The following PTPRN2 variants were observed in gnomAD, a reference collection of about 807,000 sequenced individuals.
The protein encoded by PTPRN2 is protein tyrosine phosphatase receptor type N2, also known as receptor-type tyrosine-protein phosphatase N2.
Under a neutral mutation model 118.8 loss-of-function variants are expected in PTPRN2, and 74 were observed. The ratio of observed to expected loss-of-function variants is 0.62; its 90% confidence interval spans 0.52 to 0.76. PTPRN2 has a LOEUF of 0.76. PTPRN2 is among the 30% of genes least tolerant of loss of function. The pLI is 0.00. For missense variants in PTPRN2, 1,481 were observed against 1,394.4 expected (o/e 1.06, Z -0.99); for synonymous variants, 641 against 608.0 (o/e 1.05, Z -0.80).
At chr7:157,878,983 T>G (rs1451181911) in intron 12 of PTPRN2, among the ~76,000 whole-genome samples, 1 of 106,158 alleles carries the variant, frequency 9.4e-6, no homozygotes, top group Non-Finnish European at 1.8e-5. Context: ...GCTTACTCAC[T>G]GAGGAGCTCT....
At chr7:157,607,940 A>C (rs1802101220) in intron 15 of PTPRN2, among the ~76,000 whole-genome samples, 1 of 152,032 alleles carries the variant, frequency 6.6e-6, no homozygotes, top group Non-Finnish European at 1.5e-5. Flanking sequence ...AGCCGAATTC[A>C]TTTCCCCCGA....
chr7:158,396,266 G>T (rs769971402), intron 2 of PTPRN2, among the ~76,000 whole-genome samples: 4 of 152,166 alleles, frequency 2.6e-5, no homozygotes, highest in African/African-American at 9.7e-5. Context: ...CAAAGAAGCC[G>T]TTTAAAACAA....
intron 11 of PTPRN2, among the ~76,000 whole-genome samples, chr7:157,933,856 A>G (rs111508983): frequency 0.01 from 668 of 63,622 alleles, 17 homozygotes; most frequent in Middle Eastern, 0.051. Context: ...TAGAGGAAGG[A>G]TGAGTCACTC....
chr7:158,407,950 A>C (rs943124053), intron 2 of PTPRN2, among the ~76,000 whole-genome samples: 2 of 152,238 alleles, frequency 1.3e-5, no homozygotes, highest in African/African-American at 4.8e-5. Flanking sequence ...AAATTCCCTT[A>C]AAGTCCCTCC....
At chr7:157,842,371 A>G (rs1808486146) in intron 12 of PTPRN2, among the ~76,000 whole-genome samples, 1 of 142,672 alleles carries the variant, frequency 7.0e-6, no homozygotes, top group Admixed American at 6.9e-5. Flanking sequence ...AATGGTACAA[A>G]AGGGGCTCAA....
chr7:157,843,049 C>T (rs1808550029), intron 12 of PTPRN2, among the ~76,000 whole-genome samples: 1 of 152,138 alleles, frequency 6.6e-6, no homozygotes, highest in African/African-American at 2.4e-5. Context: ...CGACTTTTCC[C>T]CTGTAAAATT....
intron 11 of PTPRN2, among the ~76,000 whole-genome samples, chr7:157,943,938 G>A (rs1278323902): frequency 2.6e-5 from 4 of 152,114 alleles, no homozygotes; most frequent in Non-Finnish European, 5.9e-5. Flanking sequence ...TTATTTTTCT[G>A]GTAGTTCATC....
intron 15 of PTPRN2, among the ~76,000 whole-genome samples, chr7:157,613,372 T>C (rs1194374073): frequency 1.3e-5 from 2 of 152,194 alleles, no homozygotes; most frequent in African/African-American, 2.4e-5. Flanking sequence ...CAGAGACGGC[T>C]GCGGGGAGAC....
At chr7:157,646,809 G>A (rs1805111415) in intron 14 of PTPRN2, among the ~76,000 whole-genome samples, 1 of 152,248 alleles carries the variant, frequency 6.6e-6, no homozygotes, top group Non-Finnish European at 1.5e-5. Context: ...GGGCCCAAAG[G>A]CCATGGCAGC....
chr7:158,132,500 TAC>T (rs1296715624), intron 9 of PTPRN2, among the ~76,000 whole-genome samples: 1 of 150,232 alleles, frequency 6.7e-6, no homozygotes, highest in East Asian at 2.0e-4. Context: ...CACATGCACA[TAC>T]AGATGCACAC....
At chr7:157,549,062 A>T in intron 21 of PTPRN2, 43 bp from the exon 22 acceptor site, 2 of 1,568,692 alleles carry the variant, frequency 1.3e-6, no homozygotes, top group Non-Finnish European at 1.8e-6. Flanking sequence ...AGCACAAGAT[A>T]ATCCATGCCA....
intron 12 of PTPRN2, among the ~76,000 whole-genome samples, chr7:157,872,054 C>CATA: frequency 7.3e-6 from 1 of 137,738 alleles, no homozygotes; most frequent in African/African-American, 2.8e-5. Flanking sequence ...CCCACACACA[C>CATA]CCAGTGTCCT....
chr7:157,812,487 ACT>A (rs1806117736), intron 12 of PTPRN2, among the ~76,000 whole-genome samples: 1 of 151,968 alleles, frequency 6.6e-6, no homozygotes, highest in Non-Finnish European at 1.5e-5. Context: ...AAAAAGAAAA[ACT>A]CTTTCAACAC....
At chr7:158,493,341 A>G (rs1459206154) in intron 1 of PTPRN2, among the ~76,000 whole-genome samples, 1 of 151,638 alleles carries the variant, frequency 6.6e-6, no homozygotes, top group Non-Finnish European at 1.5e-5. Context: ...ATGCCTGCAC[A>G]CATACACACA....
rs867643224 is a variant in PTPRN2, at chr7:157,611,622, C to T, written c.2345-7547G>A. Among the ~76,000 whole-genome samples, 3 of 152,158 alleles carry T rather than the reference C, an allele frequency of 2.0e-5. No individual in the cohort carries two copies. Among genetic ancestry groups the T allele is most frequent in the African/African-American group, 4.8e-5 (2 of 41,436 alleles). Reference sequence around the variant, plus strand: ...GGTAAGCGAGCGGAGGGCATTTGGGCGGCCCTAATGCAATATGACTGGCGT... The same window carrying T: ...GGTAAGCGAGCGGAGGGCATTTGGGTGGCCCTAATGCAATATGACTGGCGT... On this transcript the variant is annotated intron_variant, in intron 15 of 22. Coordinates refer to ENST00000389418, the MANE Select transcript of PTPRN2 (RefSeq NM_002847.5). The surrounding 1 kb of genome is among the most constrained non-coding windows in gnomAD (Gnocchi z 5.9).
At chr7:158,071,076 TG>T (rs1563389160) in intron 11 of PTPRN2, among the ~76,000 whole-genome samples, 5 of 86,370 alleles carry the variant, frequency 5.8e-5, no homozygotes, top group Non-Finnish European at 8.9e-5. Flanking sequence ...CTCGTGGTGG[TG>T]GAGGTGCCCG....
chr7:157,551,934 CCCCACAGCCACCACACAA>C (rs1322929226), intron 21 of PTPRN2, among the ~76,000 whole-genome samples: 2 of 146,154 alleles, frequency 1.4e-5, no homozygotes, highest in Admixed American at 6.8e-5. Flanking sequence ...GCACCACGCA[CCCCACAGCCACCACACAA>C]CCCACAGCCA....
In PTPRN2 at chr7:158,564,196, A is replaced by C. The variant is rs989405041; in HGVS notation, c.112+23362T>G. On this transcript the variant is annotated intron_variant, in intron 1 of 22. Coordinates refer to ENST00000389418, the MANE Select transcript of PTPRN2 (RefSeq NM_002847.5). ...AGCTGCAGGATATTCTGTGGTGTGA[A>C]TATGATATATTTAACTAACCTCTTG... Among the ~76,000 whole-genome samples the C allele has an allele frequency of 3.3e-5, 5 of 152,308 alleles. No homozygotes were observed. The East Asian group carries it at 9.6e-4, about 29-fold the overall frequency.
At chr7:157,582,788 C>T (rs552035556) in intron 17 of PTPRN2, among the ~76,000 whole-genome samples, 1 of 151,912 alleles carries the variant, frequency 6.6e-6, no homozygotes, top group East Asian at 1.9e-4. Context: ...GCAGGAGAAC[C>T]TCTTGAACCT....
Sources: allele counts gnomAD v4.1 joint callset (sites outside exome capture counted in the v4.1 genomes callset), GRCh38; gene constraint gnomAD v4.1.1; non-coding constraint Gnocchi (gnomAD v3.1); transcripts MANE v1.5; gene names NCBI Gene and HGNC (gene_info 2026-07-23, HGNC 2026-07-21).